The following TANC2 variants were observed in gnomAD, a reference collection of about 807,000 sequenced individuals.
The protein encoded by TANC2 is tetratricopeptide repeat, ankyrin repeat and coiled-coil containing 2, also known as protein TANC2.
TANC2 carries 26 observed loss-of-function variants against 210.5 expected under a neutral mutation model. The observed-to-expected ratio is 0.12, with a 90% CI of 0.09 to 0.17. The LOEUF is 0.17. Among genes scored for constraint, TANC2 ranks in the 10% least tolerant of loss-of-function variants. TANC2 has a pLI of 1.00. For synonymous variants in TANC2, 931 were observed against 967.1 expected, an observed-to-expected ratio of 0.96 and a Z score of 0.69; for missense variants, 2,129 against 2,608.9, an observed-to-expected ratio of 0.82 and a Z score of 4.01.
At chr17:63,010,199 G>A (rs241068) in intron 2 of TANC2, among the ~76,000 whole-genome samples, 90,858 of 151,908 alleles carry the variant, frequency 0.6, 29,765 homozygotes, top group African/African-American at 0.87. Context: ...TGTATTCTTC[G>A]TAATCTTCTC....
intron 14 of TANC2, among the ~76,000 whole-genome samples, chr17:63,356,099 C>T (rs184686575): frequency 2.0e-5 from 3 of 152,054 alleles, no homozygotes; most frequent in African/African-American, 4.8e-5. Flanking sequence ...CCACCCCACA[C>T]GCACAACAGG....
chr17:63,094,055 A>T (rs1043911055), intron 3 of TANC2, among the ~76,000 whole-genome samples: 1 of 152,096 alleles, frequency 6.6e-6, no homozygotes, highest in African/African-American at 2.4e-5. Flanking sequence ...GTTTTTTAAA[A>T]TTTTCCAAAT....
intron 4 of TANC2, among the ~76,000 whole-genome samples, chr17:63,134,304 A>G (rs890356307): frequency 1.3e-5 from 2 of 152,172 alleles, no homozygotes; most frequent in African/African-American, 2.4e-5. Context: ...CCCCACTACC[A>G]TGGTCATTAT....
Position 63,099,224 on chromosome 17 carries a change from C to T in TANC2, c.189C>T (p.Val63=), listed in dbSNP as rs370460475. ...GTGCTTTTGAGCCAGACTACGCTGT[C>T]CCGCCACTTCCAGTGAGTGAAGGTA... Residue 63 remains valine (V), a synonymous_variant, in exon 4 of 28, where the codon GTC becomes GTT. Transcript: ENST00000689528. The T allele has an allele frequency of 2.0e-4, 321 of 1,609,720 alleles. 2 individuals are homozygous for T. The South Asian group carries it at 2.3e-3, about 11-fold the overall frequency.
intron 2 of TANC2, among the ~76,000 whole-genome samples, chr17:63,068,379 T>A (rs930409068): frequency 6.6e-6 from 1 of 152,182 alleles, no homozygotes; most frequent in Admixed American, 6.5e-5. Context: ...CAACTGTCTT[T>A]GGCAGAAATT....
chr17:63,395,787 T>C (rs1441688257), exon 18 of TANC2: 1 of 1,613,676 alleles, frequency 6.2e-7, no homozygotes, highest in Admixed American at 1.7e-5. Flanking sequence ...TGGTTCATGC[T>C]GCACTCCGAG....
intron 4 of TANC2, among the ~76,000 whole-genome samples, chr17:63,143,630 T>C (rs994270282): frequency 2.0e-5 from 3 of 152,344 alleles, no homozygotes; most frequent in Middle Eastern, 3.4e-3. Flanking sequence ...CAGGTAAATA[T>C]GCTAGTATAC....
chr17:62,992,290 G>A (rs1189596420), intron 1 of TANC2, among the ~76,000 whole-genome samples: 1 of 152,146 alleles, frequency 6.6e-6, no homozygotes, highest in Non-Finnish European at 1.5e-5. Context: ...GAAACCTTTA[G>A]GGTTGCATAG....
intron 9 of TANC2, among the ~76,000 whole-genome samples, chr17:63,306,116 G>A (rs568390060): frequency 1.3e-5 from 2 of 152,208 alleles, no homozygotes; most frequent in Non-Finnish European, 2.9e-5. Flanking sequence ...GACTGAGGCA[G>A]GAAGTAAGGG....
intron 9 of TANC2, among the ~76,000 whole-genome samples, chr17:63,291,680 A>G (rs571704895): frequency 1.8e-4 from 28 of 152,312 alleles, no homozygotes; most frequent in African/African-American, 5.3e-4. Flanking sequence ...TTATATGGCT[A>G]TCATTCATTG....
At chr17:63,010,476 T>C (rs868026949) in intron 2 of TANC2, among the ~76,000 whole-genome samples, 2 of 151,966 alleles carry the variant, frequency 1.3e-5, no homozygotes, top group South Asian at 2.1e-4. Context: ...TTTTTTTTTT[T>C]CCTACAGTGA....
At chr17:63,096,678 T>C (rs1334523097) in intron 3 of TANC2, among the ~76,000 whole-genome samples, 2 of 152,224 alleles carry the variant, frequency 1.3e-5, no homozygotes, top group Non-Finnish European at 2.9e-5. Context: ...TTCCACTTTT[T>C]GGCTATTATG....
At chr17:63,306,370 TCTC>T (rs1248217464) in intron 9 of TANC2, among the ~76,000 whole-genome samples, 1 of 152,156 alleles carries the variant, frequency 6.6e-6, no homozygotes, top group Non-Finnish European at 1.5e-5. Flanking sequence ...ACTTCACTCA[TCTC>T]CTCTACTAAT....
chr17:63,405,184 G>A (rs1010679214), exon 20 of TANC2: 1 of 1,612,386 alleles, frequency 6.2e-7, no homozygotes, highest in Non-Finnish European at 8.5e-7. Flanking sequence ...GGAACAAGGG[G>A]CGGCAGTGGC....
chr17:63,413,475 TCACCTAGC>T lies in TANC2; in HGVS notation c.3929-67_3929-60del. The T allele has an allele frequency of 6.2e-6, 8 of 1,286,286 alleles. No individual in the cohort carries two copies. The South Asian group carries it at 8.6e-5, about 14-fold the overall frequency. The allele number at this position is 1,286,286 out of a possible 1,614,324, so 79.7% of individuals were successfully genotyped here. ...CAGAAATTCCCCTAGGGTATTTTTT[TCACCTAGC>T]TTCCTACCACCCTTACATTGTATGA... On this transcript the variant is annotated intron_variant, in intron 24 of 27. Coordinates refer to ENST00000689528, the Ensembl canonical transcript of TANC2.
At chr17:63,218,050 G>A (rs993935891) in intron 7 of TANC2, among the ~76,000 whole-genome samples, 4 of 152,118 alleles carry the variant, frequency 2.6e-5, no homozygotes, top group South Asian at 2.1e-4. Context: ...TTGGGAGGTC[G>A]AGGTAGGAGG....
chr17:63,412,594 CT>C lies in TANC2; in HGVS notation c.3899-85del. 7.5e-7 allele frequency: 1 copy of C among 1,332,326 alleles called. No individual in the cohort carries two copies. The highest frequency in any genetic ancestry group is 1.0e-6 in the Non-Finnish European group (1 of 965,720). The allele number at this position is 1,332,326 out of a possible 1,614,324, so 82.5% of individuals were successfully genotyped here. On this transcript the variant is annotated intron_variant, in intron 23 of 27. Transcript: ENST00000689528. The surrounding 1 kb of genome is among the most constrained non-coding windows in gnomAD (Gnocchi z 4.2). The stretch of plus-strand genomic sequence containing the variant: ...GCTTTGTGCTGCCTGCCTCTCACTG[CT>C]GCTTTTTCCTTCTTTTTTTTTTTTT...
chr17:63,025,328 A>G (rs1219018610), intron 2 of TANC2, among the ~76,000 whole-genome samples: 1 of 152,170 alleles, frequency 6.6e-6, no homozygotes, highest in Admixed American at 6.5e-5. Context: ...AAGTTGGTGA[A>G]TGAAGTTTCA....
chr17:63,008,313 A>G (rs536756185), intron 1 of TANC2, among the ~76,000 whole-genome samples: 18 of 152,234 alleles, frequency 1.2e-4, no homozygotes, highest in Admixed American at 6.5e-4. Flanking sequence ...TCAGTTATAC[A>G]TATGTTAGAA....
Sources: gnomAD v4.1 joint callset for allele counts (sites outside exome capture counted in the v4.1 genomes callset) on GRCh38, gnomAD v4.1.1 for gene constraint, Gnocchi (gnomAD v3.1) non-coding constraint, MANE v1.5 for transcripts, NCBI Gene and HGNC (gene_info 2026-07-23, HGNC 2026-07-21) for gene names.